The following ZNF385D variants were observed in gnomAD, a reference collection of about 807,000 sequenced individuals.
ZNF385D encodes zinc finger protein 659.
In ZNF385D, 15 loss-of-function variants were observed where a neutral mutation model predicts 35.8. The ratio of observed to expected loss-of-function variants is 0.42; its 90% CI spans 0.28 to 0.64. The LOEUF is 0.64. ZNF385D is among the 30% of genes least tolerant of loss of function. The pLI is 0.23. For synonymous variants in ZNF385D, 212 were observed against 186.8 expected (o/e 1.13, Z -1.10); for missense variants, 474 against 494.6 (o/e 0.96, Z 0.39).
rs192310934 is a variant in ZNF385D, at chr3:22,162,645, G to C, written c.325+6172C>G. Reference sequence around the variant, plus strand: ...TCCACCCCCCTTGCACTACGCAGTAGGCAGCCATTCTTTCTATAACCTCAG... The same window carrying C: ...TCCACCCCCCTTGCACTACGCAGTACGCAGCCATTCTTTCTATAACCTCAG... On this transcript the variant is annotated intron_variant, in intron 3 of 5. Coordinates refer to the ZNF385D transcript ENST00000494108. 2.1e-3 allele frequency among the ~76,000 whole-genome samples: 326 copies of C among 152,244 alleles called. 3 individuals are homozygous for C. The highest frequency in any genetic ancestry group is 7.5e-3 in the African/African-American group (310 of 41,540).
chr3:21,798,261 G>A (rs946027606), intron 3 of ZNF385D, among the ~76,000 whole-genome samples: 2 of 152,152 alleles, frequency 1.3e-5, no homozygotes, highest in African/African-American at 4.8e-5. Flanking sequence ...TGGTTCTTCG[G>A]CGCATGGCCT....
intron 1 of ZNF385D, among the ~76,000 whole-genome samples, chr3:21,709,956 G>T (rs982678876): frequency 1.3e-5 from 2 of 152,164 alleles, no homozygotes; most frequent in African/African-American, 4.8e-5. Flanking sequence ...ATTCTTCTTA[G>T]CAATAAAAAG....
chr3:21,581,584 C>T (rs1022907641), intron 2 of ZNF385D, among the ~76,000 whole-genome samples: 5 of 152,074 alleles, frequency 3.3e-5, no homozygotes, highest in African/African-American at 9.7e-5. Context: ...CCACCCTAGT[C>T]GATTGTCAAT....
At chr3:21,794,905 C>T (rs191025114) in intron 3 of ZNF385D, among the ~76,000 whole-genome samples, 4 of 152,206 alleles carry the variant, frequency 2.6e-5, no homozygotes, top group Admixed American at 2.0e-4. Context: ...TCATACAATG[C>T]TATTATGACA....
At chr3:22,204,146 ACT>A (rs1345240390) in intron 2 of ZNF385D, among the ~76,000 whole-genome samples, 4 of 151,724 alleles carry the variant, frequency 2.6e-5, no homozygotes, top group African/African-American at 9.7e-5. Flanking sequence ...GAGAGAGGAG[ACT>A]CTGTTTCCTC....
chr3:21,613,822 C>T (rs2064761238), intron 2 of ZNF385D, among the ~76,000 whole-genome samples: 1 of 152,184 alleles, frequency 6.6e-6, no homozygotes. Context: ...ATCATATCCA[C>T]GTTTACTTGA....
At chr3:21,871,522 T>G (rs1416621057) in intron 3 of ZNF385D, among the ~76,000 whole-genome samples, 1 of 152,178 alleles carries the variant, frequency 6.6e-6, no homozygotes, top group African/African-American at 2.4e-5. Flanking sequence ...GACTGGCATA[T>G]AGTAGGTACT....
chr3:22,335,753 A>G (rs1345834779), intron 2 of ZNF385D, among the ~76,000 whole-genome samples: 1 of 152,138 alleles, frequency 6.6e-6, no homozygotes, highest in African/African-American at 2.4e-5. Context: ...ACTTTCTTCT[A>G]TCTTTATTTT....
intron 1 of ZNF385D, among the ~76,000 whole-genome samples, chr3:21,729,400 T>C (rs2068898273): frequency 6.6e-6 from 1 of 152,106 alleles, no homozygotes. Context: ...TAACCCACAG[T>C]GAAAATGGAT....
In ZNF385D at chr3:21,893,143, C is replaced by G. The variant is rs1162655300; in HGVS notation, c.326-228115G>C. Among the ~76,000 whole-genome samples the G allele has an allele frequency of 1.3e-5, 2 of 152,102 alleles. 1 individual carries two copies. The highest frequency in any genetic ancestry group is 2.9e-5 in the Non-Finnish European group (2 of 68,026). On this transcript the variant is annotated intron_variant, in intron 3 of 5. Transcript: ENST00000494108. ...CGTAACCTCTCAGAGCTTTAAGTTT[C>G]TCATCTAAAATGGTGAGAATTCCAG...
intron 3 of ZNF385D, among the ~76,000 whole-genome samples, chr3:21,982,963 T>C (rs1694569005): frequency 6.6e-6 from 1 of 152,052 alleles, no homozygotes; most frequent in African/African-American, 2.4e-5. Flanking sequence ...GCGGATTAGC[T>C]TTCTGATGTG....
chr3:22,257,867 A>G (rs774246845), intron 2 of ZNF385D, among the ~76,000 whole-genome samples: 19 of 151,970 alleles, frequency 1.3e-4, no homozygotes, highest in Admixed American at 3.9e-4. Context: ...ATTTTGTATC[A>G]AGTTATTTTC....
At chr3:21,855,653 C>A (rs1425271142) in intron 3 of ZNF385D, among the ~76,000 whole-genome samples, 5 of 152,108 alleles carry the variant, frequency 3.3e-5, no homozygotes, top group East Asian at 1.9e-4. Flanking sequence ...CTTCTGTTTG[C>A]AGAATCTCCA....
At chr3:21,826,191 A>AT (rs1694611206) in intron 3 of ZNF385D, among the ~76,000 whole-genome samples, 1 of 152,186 alleles carries the variant, frequency 6.6e-6, no homozygotes, top group Non-Finnish European at 1.5e-5. Flanking sequence ...AGCTGGGAAA[A>AT]TAAATAGCTG....
chr3:21,873,108 A>G (rs543120186), intron 3 of ZNF385D, among the ~76,000 whole-genome samples: 5 of 152,278 alleles, frequency 3.3e-5, no homozygotes, highest in African/African-American at 9.6e-5. Context: ...TAAACTTTAA[A>G]TATTTTTTGA....
intron 3 of ZNF385D, among the ~76,000 whole-genome samples, chr3:21,979,256 G>A (rs1290969018): frequency 6.6e-6 from 1 of 151,576 alleles, no homozygotes; most frequent in Non-Finnish European, 1.5e-5. Context: ...AACAGAAGGG[G>A]GAAAAAAACC....
chr3:21,926,734 G>T (rs979138804), intron 3 of ZNF385D, among the ~76,000 whole-genome samples: 1 of 152,122 alleles, frequency 6.6e-6, no homozygotes, highest in Non-Finnish European at 1.5e-5. Flanking sequence ...CAGGGCATAG[G>T]CATGGGCAAA....
At chr3:21,793,829 T>C (rs1425554173) in intron 3 of ZNF385D, among the ~76,000 whole-genome samples, 1 of 152,230 alleles carries the variant, frequency 6.6e-6, no homozygotes, top group Non-Finnish European at 1.5e-5. Context: ...CACAAAAAGT[T>C]AGATCTATTG....
At chr3:22,334,427 T>C (rs1695075490) in intron 2 of ZNF385D, among the ~76,000 whole-genome samples, 1 of 152,186 alleles carries the variant, frequency 6.6e-6, no homozygotes, top group African/African-American at 2.4e-5. Flanking sequence ...AATTCTGTGA[T>C]ATTTTAAATC....
Sources: allele counts gnomAD v4.1 joint callset (sites outside exome capture counted in the v4.1 genomes callset), GRCh38; gene constraint gnomAD v4.1.1; transcripts MANE v1.5; gene names NCBI Gene and HGNC (gene_info 2026-07-23, HGNC 2026-07-21).